Variants in CEP192 observed in about 807,000 individuals in gnomAD.
CEP192 encodes the protein centrosomal protein of 192 kDa.
Under a neutral mutation model 271.8 loss-of-function variants are expected in CEP192, and 151 were observed. The observed-to-expected ratio is 0.56, with a 90% CI of 0.49 to 0.64. The LOEUF (loss-of-function observed/expected upper bound fraction) is 0.64. Among genes scored for constraint, CEP192 ranks in the 30% least tolerant of loss-of-function variants. The probability of loss-of-function intolerance (pLI) is 0.00; values close to 1 mark genes in which losing one functional copy is unlikely to be tolerated. For missense variants in CEP192, 2,910 were observed against 3,020.5 expected (o/e 0.96, Z 0.86); for synonymous variants, 995 against 1,076.5 (o/e 0.92, Z 1.48).
chr18:13,124,278 G>A (rs1222648359), intron 44 of CEP192, among the ~76,000 whole-genome samples: 3 of 152,130 alleles, frequency 2.0e-5, no homozygotes, highest in Admixed American at 6.5e-5. Flanking sequence ...TGAGTAAAAC[G>A]GGCATTTAGG....
At chr18:13,022,402 A>G (rs1306013866) in intron 9 of CEP192, among the ~76,000 whole-genome samples, 1 of 151,586 alleles carries the variant, frequency 6.6e-6, no homozygotes, top group East Asian at 1.9e-4. Context: ...ATTGTTTGAG[A>G]CGGAGTCTCT....
At chr18:13,052,253 C>T (rs773173290) in intron 17 of CEP192, among the ~76,000 whole-genome samples, 2 of 152,178 alleles carry the variant, frequency 1.3e-5, no homozygotes, top group African/African-American at 2.4e-5. Context: ...GGACATCTTT[C>T]TGAACCAAGG....
At position 13,087,083 on chromosome 18, in the gene CEP192, A is replaced by G. The variant is rs1228335863; in HGVS notation, c.5683A>G (p.Ser1895Gly). ...GGAAGGCGTTAAAAAATTATCTGAC[A>G]GTTACATGGTAACAGTGAATGGCTT... Reference protein sequence around the residue: ...ILEGVKKLSDSYMVTVNGLVP... With the variant: ...ILEGVKKLSDGYMVTVNGLVP... Residue 1895 changes from serine to glycine, a missense_variant, in exon 31 of 45, where the codon AGT (serine) becomes GGT (glycine). Ser to Gly is a moderately conservative substitution (Grantham distance 56). Transcript: ENST00000506447. 6.2e-7 allele frequency: 1 copy of G among 1,611,390 alleles called. No individual in the cohort carries two copies. The highest frequency in any genetic ancestry group is 1.7e-5 in the Admixed American group (1 of 60,016).
chr18:12,995,550 C>T (rs988307477), intron 1 of CEP192, among the ~76,000 whole-genome samples: 4 of 152,152 alleles, frequency 2.6e-5, no homozygotes, highest in African/African-American at 7.2e-5. Context: ...TTGAGCGTCT[C>T]GTGCCAGCAC....
chr18:13,048,444 A>G (rs1172870567), intron 15 of CEP192, among the ~76,000 whole-genome samples: 1 of 152,222 alleles, frequency 6.6e-6, no homozygotes, highest in Non-Finnish European at 1.5e-5. Context: ...CAATTTGGAT[A>G]CACCAGAGAG....
At chr18:12,996,422 T>C (rs1305808865) in intron 1 of CEP192, among the ~76,000 whole-genome samples, 1 of 152,102 alleles carries the variant, frequency 6.6e-6, no homozygotes, top group Non-Finnish European at 1.5e-5. Flanking sequence ...TGGGAATTAA[T>C]TGGAATCAAG....
chr18:13,104,418 G>A (rs556321162), intron 39 of CEP192, among the ~76,000 whole-genome samples: 1 of 152,106 alleles, frequency 6.6e-6, no homozygotes, highest in Non-Finnish European at 1.5e-5. Context: ...TATTTTGTGT[G>A]ATAGTAACAG....
intron 17 of CEP192, among the ~76,000 whole-genome samples, chr18:13,051,948 A>C (rs1276594683): frequency 1.5e-4 from 23 of 152,220 alleles, no homozygotes; most frequent in Admixed American, 1.5e-3. Flanking sequence ...AGATGGTGGA[A>C]TCCATCCAAG....
At position 13,098,499 on chromosome 18, in the gene CEP192, A is replaced by G. The variant is rs549401409; in HGVS notation, c.6558-977A>G. On this transcript the variant is annotated intron_variant, in intron 36 of 44. Coordinates refer to ENST00000506447, the MANE Select transcript of CEP192 (RefSeq NM_032142.4). ...GGCAGAGACGCTCCTCACCTCCCAG[A>G]TGGGGTCGCGGCCGGGCAGAGGCGC... Among the ~76,000 whole-genome samples, 6 of 150,724 alleles carry G rather than the reference A, an allele frequency of 4.0e-5. No individual in the cohort carries two copies. The East Asian group carries it at 1.2e-3, about 30-fold the overall frequency.
intron 2 of CEP192, among the ~76,000 whole-genome samples, chr18:13,000,720 C>T (rs2033587538): frequency 6.6e-6 from 1 of 152,230 alleles, no homozygotes; most frequent in African/African-American, 2.4e-5. Flanking sequence ...TTTGGGAGGC[C>T]AAGGCGGGCA....
intron 4 of CEP192, among the ~76,000 whole-genome samples, chr18:13,012,174 A>G (rs1483108111): frequency 6.6e-6 from 1 of 152,204 alleles, no homozygotes. Flanking sequence ...AGTGATTGCT[A>G]ATGGGTATAG....
Position 13,056,192 on chromosome 18 carries a change from C to T in CEP192, c.3602C>T (p.Pro1201Leu), listed in dbSNP as rs1459696764. The T allele has an allele frequency of 6.2e-6, 10 of 1,613,942 alleles. No individual in the cohort carries two copies. Among genetic ancestry groups the T allele is most frequent in the Non-Finnish European group, 8.5e-6 (10 of 1,179,968 alleles). ...ATAGATGAAGATCAAAGAATAAGTCCTAAAGATAAGTCAACTGCTGGCCGT... is the reference window on the plus strand; with the variant it reads ...ATAGATGAAGATCAAAGAATAAGTCTTAAAGATAAGTCAACTGCTGGCCGT... ...EPIDEDQRIS[P>L]KDKSTAGREF... Residue 1201 changes from proline (P) to leucine (L), a missense_variant, in exon 19 of 45, where the codon CCT becomes CTT. Coordinates refer to ENST00000506447, the MANE Select transcript of CEP192 (RefSeq NM_032142.4).
chr18:13,097,863 C>T (rs1396955548), intron 36 of CEP192, among the ~76,000 whole-genome samples: 2 of 152,016 alleles, frequency 1.3e-5, no homozygotes, highest in Admixed American at 6.6e-5. Flanking sequence ...AACATGCTGC[C>T]TTCAAGCATC....
chr18:13,068,442 T>G lies in CEP192; in HGVS notation c.4822+20T>G, dbSNP rs2037830616. 2.6e-6 allele frequency: 4 copies of G among 1,567,526 alleles called. No individual in the cohort carries two copies. The highest frequency in any genetic ancestry group is 1.7e-5 in the Admixed American group (1 of 58,384). ...CTTCAGGTATCATGTTTACACTGTGTGGGAATTGCTTTAATCTGTAGCTAG... is the reference window on the plus strand; with the variant it reads ...CTTCAGGTATCATGTTTACACTGTGGGGGAATTGCTTTAATCTGTAGCTAG... On this transcript the variant is annotated intron_variant, in intron 24 of 44. Transcript: ENST00000506447.
chr18:13,016,115 A>G (rs1449137233), intron 6 of CEP192, among the ~76,000 whole-genome samples: 2 of 152,166 alleles, frequency 1.3e-5, no homozygotes, highest in Non-Finnish European at 2.9e-5. Flanking sequence ...TGCAGAGCCA[A>G]TTGTCAGATT....
intron 21 of CEP192, among the ~76,000 whole-genome samples, chr18:13,060,660 C>T (rs1407369277): frequency 1.3e-5 from 2 of 152,216 alleles, no homozygotes; most frequent in Non-Finnish European, 2.9e-5. Flanking sequence ...CACTGGCACA[C>T]ACCTGTAATC....
At chr18:13,073,687 C>G (rs909033194) in intron 30 of CEP192, among the ~76,000 whole-genome samples, 1 of 152,168 alleles carries the variant, frequency 6.6e-6, no homozygotes, top group African/African-American at 2.4e-5. Flanking sequence ...GAGGGTTGCC[C>G]TCTGCCTTTT....
At chr18:13,044,052 T>C (rs2036348691) in intron 15 of CEP192, among the ~76,000 whole-genome samples, 1 of 152,172 alleles carries the variant, frequency 6.6e-6, no homozygotes, top group African/African-American at 2.4e-5. Flanking sequence ...AATTAAATTA[T>C]TTTGACCCTG....
intron 38 of CEP192, among the ~76,000 whole-genome samples, chr18:13,103,244 G>A (rs1828714267): frequency 6.6e-6 from 1 of 152,156 alleles, no homozygotes; most frequent in Non-Finnish European, 1.5e-5. Context: ...AGAGCAGTCT[G>A]TAACGCTTTA....
Sources: allele counts gnomAD v4.1 joint callset (sites outside exome capture counted in the v4.1 genomes callset), GRCh38; gene constraint gnomAD v4.1.1; transcripts MANE v1.5; gene names NCBI Gene and HGNC (gene_info 2026-07-23, HGNC 2026-07-21).